The following ITGA5 variants were observed in gnomAD, a reference collection of about 807,000 sequenced individuals.
ITGA5 encodes the protein integrin subunit alpha 5.
ITGA5 carries 55 observed loss-of-function variants against 146.3 expected under a neutral mutation model. That is an observed-to-expected ratio of 0.38 (90% CI 0.30 to 0.47). ITGA5 has a LOEUF of 0.47. ITGA5 is among the 20% of genes least tolerant of loss of function. The probability of loss-of-function intolerance (pLI) is 0.99; values close to 1 mark genes in which losing one functional copy is unlikely to be tolerated. For missense variants in ITGA5, 1,131 were observed against 1,329.0 expected, an observed-to-expected ratio of 0.85 and a Z score of 2.32; for synonymous variants, 500 against 531.8, an observed-to-expected ratio of 0.94 and a Z score of 0.82.
At position 54,403,139 on chromosome 12, in the gene ITGA5, A is replaced by G; in HGVS notation, c.1914+48T>C. The stretch of plus-strand genomic sequence containing the variant: ...CTTTCCATGGCCCTGCCCCCCCAAT[A>G]CCCAGGCCTCTGTCTTCCCAGGTCC... On this transcript the variant is annotated intron_variant, in intron 18 of 29. Coordinates refer to ENST00000293379, the MANE Select transcript of ITGA5 (RefSeq NM_002205.5). This position sits in a 1 kb window ranked among gnomAD's most constrained non-coding sequence, Gnocchi z 4.9. The G allele has an allele frequency of 6.3e-7, 1 of 1,590,398 alleles. No homozygotes were observed. The highest frequency in any genetic ancestry group is 8.6e-7 in the Non-Finnish European group (1 of 1,168,696).
chr12:54,400,763 G>T, intron 25 of ITGA5, 83 bp downstream of exon 25: 2 of 1,404,612 alleles, frequency 1.4e-6, no homozygotes, highest in Admixed American at 2.0e-5. Context: ...GCCTCTTGCA[G>T]GCCCCCAGCA....
rs766662163 is a variant in ITGA5, at chr12:54,408,183, C to T, written c.744G>A (p.Glu248=). 3 of 1,614,024 alleles carry T rather than the reference C, an allele frequency of 1.9e-6. No individual in the cohort carries two copies. Among genetic ancestry groups the T allele is most frequent in the Non-Finnish European group, 1.7e-6 (2 of 1,180,044 alleles). Residue 248 remains glutamate (E), a synonymous_variant, in exon 7 of 30, where the codon GAG becomes GAA. Coordinates refer to ENST00000293379, the MANE Select transcript of ITGA5 (RefSeq NM_002205.5). Reference sequence around the variant, plus strand: ...GCCCCTGAACCAGGTTGATCAGGTACTCGGGGTAATAAGATTCTGCAATCT... The same window carrying T: ...GCCCCTGAACCAGGTTGATCAGGTATTCGGGGTAATAAGATTCTGCAATCT... The part of the protein sequence containing the change: ...QEQIAESYYP[E]YLINLVQGQL...
At chr12:54,407,128 G>C (rs979129768) in intron 9 of ITGA5, among the ~76,000 whole-genome samples, 4 of 152,200 alleles carry the variant, frequency 2.6e-5, no homozygotes, top group African/African-American at 9.7e-5. Context: ...AGAATGAATA[G>C]TTGCTCCACT....
chr12:54,401,763 A>G lies in ITGA5; in HGVS notation c.2306+13T>C. 1 of 1,613,158 alleles carries G rather than the reference A, an allele frequency of 6.2e-7. No individual in the cohort carries two copies. Among genetic ancestry groups the G allele is most frequent in the Non-Finnish European group, 8.5e-7 (1 of 1,179,464 alleles). On this transcript the variant is annotated intron_variant, in intron 22 of 29. Transcript: ENST00000293379. This position sits in a 1 kb window ranked among gnomAD's most constrained non-coding sequence, Gnocchi z 5.0. ...CCCAGCTCAGCCCCAGCCTAGACAC[A>G]CTCACTCCCTACCTGAGGATCTGGA...
chr12:54,398,565 T>C (rs754879532), intron 28 of ITGA5, 32 bp downstream of exon 28: 17 of 1,494,392 alleles, frequency 1.1e-5, no homozygotes, highest in Non-Finnish European at 1.6e-5. Flanking sequence ...AGCCCTGTAT[T>C]CCCTCATCCA....
chr12:54,403,364 T>C lies in ITGA5; in HGVS notation c.1777-40A>G, dbSNP rs1451986324. The C allele has an allele frequency of 1.3e-6, 2 of 1,499,152 alleles. No homozygotes were observed. Among genetic ancestry groups the C allele is most frequent in the Admixed American group, 2.4e-5 (1 of 42,330 alleles). The allele number at this position is 1,499,152 out of a possible 1,614,324, so 92.9% of individuals were successfully genotyped here. A position where few individuals can be genotyped will look rare whatever the true frequency, so the allele number is the denominator to read the frequency against. On this transcript the variant is annotated intron_variant, in intron 17 of 29. Coordinates refer to ENST00000293379, the MANE Select transcript of ITGA5 (RefSeq NM_002205.5). This position sits in a 1 kb window ranked among gnomAD's most constrained non-coding sequence, Gnocchi z 4.9. The stretch of plus-strand genomic sequence containing the variant: ...GAGAGTTCACGGAGTCAGGGGACTC[T>C]GGAGACTTAGTGGCCCTGCTCCTCA...
chr12:54,405,945 G>A lies in ITGA5; in HGVS notation c.907-19C>T, dbSNP rs375791913. ...TGGTGACCTGGGAGATGAAGAGATAGGCCCATTGGTCCTGGACTCCCAGAA... is the reference window on the plus strand; with the variant it reads ...TGGTGACCTGGGAGATGAAGAGATAAGCCCATTGGTCCTGGACTCCCAGAA... On this transcript the variant is annotated intron_variant, in intron 9 of 29. Coordinates refer to ENST00000293379, the MANE Select transcript of ITGA5 (RefSeq NM_002205.5). The A allele has an allele frequency of 1.2e-6, 2 of 1,609,576 alleles. No homozygotes were observed. Among genetic ancestry groups the A allele is most frequent in the Non-Finnish European group, 1.7e-6 (2 of 1,175,932 alleles).
intron 6 of ITGA5, 70 bp from the exon 7 acceptor site, chr12:54,408,305 A>C: frequency 6.5e-7 from 1 of 1,548,238 alleles, no homozygotes; most frequent in Non-Finnish European, 8.8e-7. Context: ...CTGGGGGCTG[A>C]CTGGGTAGTA....
Position 54,402,172 on chromosome 12 carries a change from C to G in ITGA5, c.2133+8G>C. 6.2e-7 allele frequency: 1 copy of G among 1,613,292 alleles called. No individual in the cohort carries two copies. Among genetic ancestry groups the G allele is most frequent in the Non-Finnish European group, 8.5e-7 (1 of 1,179,410 alleles). On this transcript the variant is annotated splice_region_variant and intron_variant, in intron 20 of 29. Transcript: ENST00000293379. Reference sequence around the variant, plus strand: ...CCTCCCAAATCCCACTCGAGAGTCTCATCTCACCCCTGGGTGTCTGACGAG... The same window carrying G: ...CCTCCCAAATCCCACTCGAGAGTCTGATCTCACCCCTGGGTGTCTGACGAG...
rs897973104 is a variant in ITGA5 at position 54,405,333 on chromosome 12, C to T, written c.1058G>A (p.Arg353Gln). The change falls in exon 12 of 30, where the codon CGG (arginine) becomes CAG (glutamine). Residue 353 changes from arginine to glutamine, a missense_variant. By Grantham distance (43) the Arg-to-Gln change is conservative (BLOSUM62 1). This residue lies in a region of ITGA5 where 889 missense variants were observed against 1,021.5 expected (regional missense o/e 0.87). Transcript: ENST00000293379. ...CTCCTGAGGCCGCCCGTCAGGGGTC[C>T]GATCCATGAGCAGGGGTGCCCCCAC... Reference protein sequence around the residue: ...LLVGAPLLMDRTPDGRPQEVG... With the variant: ...LLVGAPLLMDQTPDGRPQEVG... 4.3e-6 allele frequency: 7 copies of T among 1,611,942 alleles called. No individual in the cohort carries two copies. The highest frequency in any genetic ancestry group is 2.7e-5 in the African/African-American group (2 of 74,884).
intron 27 of ITGA5, 108 bp downstream of exon 27, chr12:54,399,536 CT>C: frequency 1.3e-6 from 1 of 776,698 alleles, no homozygotes; most frequent in Non-Finnish European, 2.3e-6. Flanking sequence ...AGCTGGAGTG[CT>C]GGGTCCCATT....
Position 54,402,110 on chromosome 12 carries a change from C to T in ITGA5, c.2134-17G>A. The T allele has an allele frequency of 6.2e-7, 1 of 1,614,008 alleles. No homozygotes were observed. The highest frequency in any genetic ancestry group is 8.5e-7 in the Non-Finnish European group (1 of 1,179,904). On this transcript the variant is annotated splice_polypyrimidine_tract_variant and intron_variant, in intron 20 of 29. Transcript: ENST00000293379. The stretch of plus-strand genomic sequence containing the variant: ...GGAGAAGTTCTGGAGATGGGGTGGG[C>T]ACTGGTCAGGTTTTGGTGTCCCCTC...
In ITGA5 at chr12:54,411,976, A is replaced by G. The variant is rs1955950991; in HGVS notation, c.219-12T>C. ...CCAGCACACTGACCCTGTGGGGGGG[A>G]AAAGCGAGGCAGTTGAGGATGGCTC... On this transcript the variant is annotated splice_polypyrimidine_tract_variant and intron_variant, in intron 1 of 29. Coordinates refer to ENST00000293379, the MANE Select transcript of ITGA5 (RefSeq NM_002205.5). The G allele has an allele frequency of 6.4e-7, 1 of 1,558,436 alleles. No individual in the cohort carries two copies. The highest frequency in any genetic ancestry group is 1.2e-5 in the South Asian group (1 of 83,260).
Position 54,403,349 on chromosome 12 carries a change from G to A in ITGA5, c.1777-25C>T, listed in dbSNP as rs767497754. The stretch of plus-strand genomic sequence containing the variant: ...TCTGGGGCCAGAGGAGAGAGTTCAC[G>A]GAGTCAGGGGACTCTGGAGACTTAG... On this transcript the variant is annotated intron_variant, in intron 17 of 29. Transcript: ENST00000293379. This position sits in a 1 kb window ranked among gnomAD's most constrained non-coding sequence, Gnocchi z 4.9. The A allele has an allele frequency of 1.1e-5, 17 of 1,503,994 alleles. No homozygotes were observed. The highest frequency in any genetic ancestry group is 7.0e-5 in the East Asian group (3 of 43,010). 93.2% of individuals were successfully genotyped at this position (1,503,994 alleles called of 1,614,324 possible). A position where few individuals can be genotyped will look rare whatever the true frequency, so the allele number is the denominator to read the frequency against.
chr12:54,399,747 C>T lies in ITGA5; in HGVS notation c.2739G>A (p.Glu913=). 1 of 1,614,162 alleles carries T rather than the reference C, an allele frequency of 6.2e-7. No homozygotes were observed. The highest frequency in any genetic ancestry group is 2.2e-5 in the East Asian group (1 of 44,882). ...SSGPQILKCP[E]AECFRLRCEL... ...CACAGCGCAGCCTGAAACACTCAGC[C>T]TCCGGGCATTTCTAGGAAGAAAGAA... is the stretch of plus-strand genomic sequence containing the variant. The change falls in exon 27 of 30, where the codon GAG becomes GAA. Residue 913 remains glutamate, a synonymous_variant. Transcript: ENST00000293379.
At chr12:54,412,594 CCTGG>C (rs1955960793) in intron 1 of ITGA5, 1 of 152,582 alleles carries the variant, frequency 6.6e-6, no homozygotes, top group Admixed American at 6.5e-5. Flanking sequence ...GCCTCCCCTT[CCTGG>C]CTGGGTCTGT....
chr12:54,407,770 C>G (rs1401789778), intron 8 of ITGA5, 62 bp downstream of exon 8: 5 of 1,604,016 alleles, frequency 3.1e-6, no homozygotes. Flanking sequence ...AGTTCATGGG[C>G]TCTCTGGCCC....
chr12:54,404,964 C>A, intron 12 of ITGA5, 70 bp from the exon 13 acceptor site: 2 of 1,336,982 alleles, frequency 1.5e-6, no homozygotes, highest in Non-Finnish European at 2.0e-6. Flanking sequence ...ACTACCAGAC[C>A]CCAGGACCTA....
chr12:54,397,350 C>T lies in ITGA5; in HGVS notation c.3066+15G>A, dbSNP rs1330302797. The T allele has an allele frequency of 6.2e-7, 1 of 1,613,564 alleles. No homozygotes were observed. Among genetic ancestry groups the T allele is most frequent in the East Asian group, 2.2e-5 (1 of 44,848 alleles). ...GATGAGAGGGTGGCCAAGTCACAAG[C>T]AGGATGTGGCTGACCTTGTAGAGGA... On this transcript the variant is annotated intron_variant, in intron 29 of 29. Transcript: ENST00000293379.
Sources: allele counts gnomAD v4.1 joint callset (sites outside exome capture counted in the v4.1 genomes callset), GRCh38; gene constraint gnomAD v4.1.1; regional missense constraint gnomAD v4.1.1; non-coding constraint Gnocchi (gnomAD v3.1); transcripts MANE v1.5; gene names NCBI Gene and HGNC (gene_info 2026-07-23, HGNC 2026-07-21).